The following KIF25 variants were observed in gnomAD, a reference collection of about 807,000 sequenced individuals.
The protein encoded by KIF25 is kinesin family member 25.
A neutral mutation model predicts 32.9 loss-of-function variants in KIF25; 19 were observed. That is an observed-to-expected ratio of 0.58 (90% CI 0.40 to 0.85). The LOEUF (loss-of-function observed/expected upper bound fraction) is 0.85. Among genes scored for constraint, KIF25 ranks in the 40% least tolerant of loss-of-function variants. KIF25 has a pLI of 0.00. For synonymous variants in KIF25, 225 were observed against 213.7 expected, an observed-to-expected ratio of 1.05 and a Z score of -0.46; for missense variants, 485 against 507.0, an observed-to-expected ratio of 0.96 and a Z score of 0.42.
chr6:168,025,055 A>C (rs566811107), intron 5 of KIF25, among the ~76,000 whole-genome samples: 174 of 152,290 alleles, frequency 1.1e-3, no homozygotes, highest in African/African-American at 4.1e-3. Flanking sequence ...TGTCTTCAAA[A>C]AAACGAAAAA....
At chr6:168,026,683 G>A (rs191548943) in intron 5 of KIF25, among the ~76,000 whole-genome samples, 2 of 152,060 alleles carry the variant, frequency 1.3e-5, no homozygotes, top group Admixed American at 1.3e-4. Flanking sequence ...ATAGGTCCAG[G>A]GTAAGAAGAA....
chr6:168,006,909 T>A (rs1286325593), intron 4 of KIF25, among the ~76,000 whole-genome samples: 1 of 152,214 alleles, frequency 6.6e-6, no homozygotes, highest in Non-Finnish European at 1.5e-5. Flanking sequence ...AGAAAATTGT[T>A]ATAGCCATAC....
rs1799068780 is a variant in KIF25 at position 168,038,712 on chromosome 6, T to G, written c.477T>G (p.Val159=). 5.6e-6 allele frequency: 9 copies of G among 1,613,740 alleles called. No homozygotes were observed. Among genetic ancestry groups the G allele is most frequent in the African/African-American group, 1.3e-5 (1 of 75,042 alleles). ...CAGCCAAGGATGGACGGACAGAGGT[T>G]GCGCTGCTGGCCTCTGAGTGAGTAC... The part of the protein sequence containing the change: ...VVTAKDGRTE[V]ALLASEAVGS... The change falls in exon 9 of 13, where the codon GTT becomes GTG. Residue 159 remains valine, a synonymous_variant. Coordinates refer to ENST00000643607, the MANE Select transcript of KIF25 (RefSeq NM_030615.4).
intron 2 of KIF25, among the ~76,000 whole-genome samples, chr6:168,000,890 T>TGAAA (rs1200597539): frequency 1.3e-5 from 2 of 152,248 alleles, no homozygotes; most frequent in African/African-American, 4.8e-5. Context: ...AGGGCCTGGC[T>TGAAA]TGAGCCTCAC....
intron 12 of KIF25, among the ~76,000 whole-genome samples, chr6:168,043,159 A>G (rs1799156293): frequency 6.6e-6 from 1 of 152,184 alleles, no homozygotes; most frequent in African/African-American, 2.4e-5. Flanking sequence ...GGTGGGGCAC[A>G]GGCGGCCCCT....
chr6:168,041,738 A>G (rs1192935632), intron 10 of KIF25, among the ~76,000 whole-genome samples: 3 of 152,196 alleles, frequency 2.0e-5, no homozygotes, highest in Non-Finnish European at 4.4e-5. Context: ...CTCTGGGCCA[A>G]TTAGGCATTA....
intron 4 of KIF25, among the ~76,000 whole-genome samples, chr6:168,006,889 A>T (rs1022322936): frequency 6.6e-6 from 1 of 152,206 alleles, no homozygotes; most frequent in Non-Finnish European, 1.5e-5. Context: ...TATACTTTTT[A>T]AAAAGGCCAA....
In KIF25 at chr6:168,041,667, T is replaced by C. The variant is rs565618340; in HGVS notation, c.647-302T>C. 2.0e-5 allele frequency among the ~76,000 whole-genome samples: 3 copies of C among 152,358 alleles called. No individual in the cohort carries two copies. In the East Asian group the frequency reaches 5.8e-4, roughly 29 times the overall value. On this transcript the variant is annotated intron_variant, in intron 10 of 12. Transcript: ENST00000643607. ...TATTTCTAAAAGGGCTCATAGATTT[T>C]CTGAGTGGGATTTTAATTAACATGA...
intron 4 of KIF25, among the ~76,000 whole-genome samples, chr6:168,009,969 G>A (rs1798627102): frequency 6.6e-6 from 1 of 151,740 alleles, no homozygotes; most frequent in South Asian, 2.1e-4. Flanking sequence ...TTTTCTGTTA[G>A]TCTGGCTAAT....
chr6:168,041,517 T>A (rs1192707780), intron 10 of KIF25, among the ~76,000 whole-genome samples: 1 of 152,260 alleles, frequency 6.6e-6, no homozygotes, highest in Non-Finnish European at 1.5e-5. Context: ...ATAAATGTTA[T>A]TTTGCTTTTT....
chr6:168,042,480 G>C, intron 11 of KIF25, 81 bp from the exon 12 acceptor site: 1 of 1,532,762 alleles, frequency 6.5e-7, no homozygotes, highest in Non-Finnish European at 8.8e-7. Context: ...CCTGAGAGCC[G>C]CTCCTCCCAA....
chr6:168,038,524 G>T (rs772604978), intron 8 of KIF25, 29 bp from the exon 9 acceptor site: 1 of 1,611,302 alleles, frequency 6.2e-7, no homozygotes, highest in African/African-American at 1.3e-5. Context: ...GAGACTTTCT[G>T]TAAGTTTCTC....
intron 10 of KIF25, 95 bp from the exon 11 acceptor site, chr6:168,041,874 C>A: frequency 8.1e-7 from 1 of 1,229,774 alleles, no homozygotes; most frequent in Non-Finnish European, 1.1e-6. Context: ...CAGGAGGGTG[C>A]AGTTCAGAAG....
At chr6:168,005,606 A>G (rs1184751073) in intron 4 of KIF25, among the ~76,000 whole-genome samples, 1 of 152,236 alleles carries the variant, frequency 6.6e-6, no homozygotes, top group Non-Finnish European at 1.5e-5. Context: ...ACAAGGTCCC[A>G]CAACAGCCAT....
chr6:168,006,775 G>A (rs1798585117), intron 4 of KIF25, among the ~76,000 whole-genome samples: 1 of 117,890 alleles, frequency 8.5e-6, no homozygotes, highest in Non-Finnish European at 1.9e-5. Flanking sequence ...ACCATATGCG[G>A]TTCTACAAGG....
intron 4 of KIF25, among the ~76,000 whole-genome samples, chr6:168,010,046 T>G (rs1798628500): frequency 6.6e-6 from 1 of 152,020 alleles, no homozygotes; most frequent in South Asian, 2.1e-4. Context: ...GTATTTCTTG[T>G]GTCAATTTCT....
chr6:168,015,134 A>T (rs185942123), intron 4 of KIF25, among the ~76,000 whole-genome samples: 62 of 152,268 alleles, frequency 4.1e-4, no homozygotes, highest in African/African-American at 1.3e-3. Context: ...GCCTTGAACC[A>T]CCATCCACAG....
intron 12 of KIF25, among the ~76,000 whole-genome samples, chr6:168,043,446 T>G (rs1163669594): frequency 6.6e-6 from 1 of 151,596 alleles, no homozygotes; most frequent in Non-Finnish European, 1.5e-5. Context: ...CCCTGGGAGG[T>G]GGTGGAGGGG....
chr6:168,040,228 T>C lies in KIF25; in HGVS notation c.646+12T>C. ...CTCTGACAGCACTGGTAAGTCACCA[T>C]TTGTGCTTGGTCAGTGGCAAGTAAT... On this transcript the variant is annotated intron_variant, in intron 10 of 12. Transcript: ENST00000643607. The C allele has an allele frequency of 1.9e-6, 3 of 1,604,572 alleles. No individual in the cohort carries two copies. The highest frequency in any genetic ancestry group is 2.6e-6 in the Non-Finnish European group (3 of 1,174,686).
Sources: allele counts gnomAD v4.1 joint callset (sites outside exome capture counted in the v4.1 genomes callset), GRCh38; gene constraint gnomAD v4.1.1; transcripts MANE v1.5; gene names NCBI Gene and HGNC (gene_info 2026-07-23, HGNC 2026-07-21).